Variants in GLI3 observed in about 807,000 individuals in gnomAD.
The protein encoded by GLI3 is transcription activator GLI3.
Under a neutral mutation model 100.8 loss-of-function variants are expected in GLI3, and 20 were observed. That is an observed-to-expected ratio of 0.20 (90% CI 0.14 to 0.29). The LOEUF is 0.29. GLI3 is among the 10% of genes least tolerant of loss of function. The pLI, the probability that GLI3 is intolerant of heterozygous loss-of-function variation, is 1.00. For synonymous variants in GLI3, 938 were observed against 860.5 expected (o/e 1.09, Z -1.58); for missense variants, 2,040 against 2,128.5 (o/e 0.96, Z 0.82).
At chr7:42,137,888 T>G (rs937873162) in intron 3 of GLI3, among the ~76,000 whole-genome samples, 2 of 152,202 alleles carry the variant, frequency 1.3e-5, no homozygotes, top group Admixed American at 6.5e-5. Flanking sequence ...ATAAATGAAT[T>G]GTTTGTGTAG....
At chr7:42,183,700 T>C (rs536917891) in intron 2 of GLI3, among the ~76,000 whole-genome samples, 2 of 152,366 alleles carry the variant, frequency 1.3e-5, no homozygotes, top group Admixed American at 1.3e-4. Flanking sequence ...TTATGTTTTA[T>C]ATTTGCTCAA....
chr7:42,029,552 C>G (rs753798879), intron 7 of GLI3, among the ~76,000 whole-genome samples: 6 of 152,172 alleles, frequency 3.9e-5, no homozygotes, highest in Non-Finnish European at 7.4e-5. Context: ...TGAGCCACCA[C>G]AGCCTCCTCC....
intron 3 of GLI3, among the ~76,000 whole-genome samples, chr7:42,100,068 G>A (rs1312056462): frequency 1.3e-5 from 2 of 152,236 alleles, no homozygotes; most frequent in African/African-American, 2.4e-5. Context: ...AACACAGGCA[G>A]CTTTCTCATA....
At chr7:42,188,360 G>T (rs118081997) in intron 2 of GLI3, among the ~76,000 whole-genome samples, 1 of 152,078 alleles carries the variant, frequency 6.6e-6, no homozygotes, top group Non-Finnish European at 1.5e-5. Context: ...TACACACACC[G>T]CTGGTAAAGG....
chr7:41,999,215 G>A (rs1268732282), intron 10 of GLI3, among the ~76,000 whole-genome samples: 1 of 152,068 alleles, frequency 6.6e-6, no homozygotes, highest in Non-Finnish European at 1.5e-5. Context: ...GATTAACATG[G>A]GGGAAAAATG....
At chr7:42,132,132 G>T (rs528781134) in intron 3 of GLI3, among the ~76,000 whole-genome samples, 1 of 151,156 alleles carries the variant, frequency 6.6e-6, no homozygotes, top group Non-Finnish European at 1.5e-5. Flanking sequence ...ATGGAGGCTC[G>T]CTCTGTCGCC....
intron 2 of GLI3, among the ~76,000 whole-genome samples, chr7:42,175,267 C>G (rs1787456195): frequency 6.6e-6 from 1 of 152,182 alleles, no homozygotes; most frequent in South Asian, 2.1e-4. Flanking sequence ...ATCCCTCGGT[C>G]CAGTTGTATA....
rs373717143 is a variant in GLI3 at position 42,048,442 on chromosome 7, G to A, written c.679+49C>T. ...TTTATACACGTCCCGAGTGAGGAGC[G>A]GGGAGGAGGCTGCATGATCTCCAGA... On this transcript the variant is annotated intron_variant, in intron 5 of 14. Coordinates refer to ENST00000395925, the MANE Select transcript of GLI3 (RefSeq NM_000168.6). 4.2e-5 allele frequency: 50 copies of A among 1,204,512 alleles called. No individual in the cohort carries two copies. In the African/African-American group the frequency reaches 5.1e-4, roughly 12 times the overall value. 74.6% of individuals were successfully genotyped at this position (1,204,512 alleles called of 1,614,324 possible). A position where few individuals can be genotyped will look rare whatever the true frequency, so the allele number is the denominator to read the frequency against.
intron 10 of GLI3, among the ~76,000 whole-genome samples, chr7:42,018,472 G>T (rs72586393): frequency 0.16 from 24,455 of 152,128 alleles, 2,196 homozygotes; most frequent in East Asian, 0.43. Flanking sequence ...AATTATATGG[G>T]AAACATTTAA....
rs537196036 is a variant in GLI3, at chr7:42,087,370, C to T, written c.368-10513G>A. ...GATGCATGCACACCCTGGACCAAAT[C>T]CTAGCACTCTGAAAGGCAGCTTCCA... On this transcript the variant is annotated intron_variant, in intron 3 of 14. Coordinates refer to ENST00000395925, the MANE Select transcript of GLI3 (RefSeq NM_000168.6). Among the ~76,000 whole-genome samples the T allele has an allele frequency of 5.3e-5, 8 of 152,174 alleles. No homozygotes were observed. The South Asian group carries it at 8.3e-4, about 16-fold the overall frequency.
intron 2 of GLI3, among the ~76,000 whole-genome samples, chr7:42,210,819 C>T (rs1019043): frequency 0.35 from 53,286 of 151,706 alleles, 9,613 homozygotes; most frequent in Middle Eastern, 0.49. Flanking sequence ...GCAATAGGTA[C>T]GTGTAGGACC....
At chr7:41,978,830 A>C in intron 10 of GLI3, 82 bp from the exon 11 acceptor site, 2 of 1,235,852 alleles carry the variant, frequency 1.6e-6, no homozygotes, top group Admixed American at 3.6e-5. Flanking sequence ...TGCAGAAAAT[A>C]CCCCAATCTT....
At position 41,965,285 on chromosome 7, in the gene GLI3, A is replaced by G. The variant is rs1787131230; in HGVS notation, c.3788T>C (p.Val1263Ala). The change falls in exon 15 of 15, where the codon GTG becomes GCG. Residue 1263 changes from valine (V) to alanine (A), a missense_variant. Coordinates refer to ENST00000395925, the MANE Select transcript of GLI3 (RefSeq NM_000168.6). ...GGCACCGTCGAGTGCACCAGGGGCC[A>G]CTGGCTGCCTGTTGAGACAGTTCCC... ...QYGNCLNRQP[V>A]APGALDGACG... The G allele has an allele frequency of 1.2e-6, 2 of 1,613,622 alleles. No homozygotes were observed. The highest frequency in any genetic ancestry group is 1.3e-5 in the African/African-American group (1 of 74,940).
chr7:42,139,361 T>A (rs1786509777), intron 3 of GLI3, among the ~76,000 whole-genome samples: 2 of 152,156 alleles, frequency 1.3e-5, no homozygotes, highest in Non-Finnish European at 2.9e-5. Context: ...CAAGTAAAAA[T>A]AAATTGTGTT....
At chr7:42,079,646 C>T (rs920967658) in intron 3 of GLI3, among the ~76,000 whole-genome samples, 1 of 152,170 alleles carries the variant, frequency 6.6e-6, no homozygotes. Flanking sequence ...CTCAGGGCAT[C>T]GCACATGCAC....
chr7:42,239,270 G>A (rs1221042164), upstream of GLI3, among the ~76,000 whole-genome samples: 1 of 152,130 alleles, frequency 6.6e-6, no homozygotes, highest in Admixed American at 6.6e-5. Flanking sequence ...GGCCTGGGAG[G>A]ATTCTCTGAG....
intron 3 of GLI3, among the ~76,000 whole-genome samples, chr7:42,109,040 T>C (rs1466485814): frequency 6.6e-6 from 1 of 152,116 alleles, no homozygotes; most frequent in Admixed American, 6.6e-5. Flanking sequence ...CTGGCCTCCC[T>C]CTAACTTTTG....
chr7:42,034,578 A>G (rs1270256124), intron 7 of GLI3, among the ~76,000 whole-genome samples: 1 of 152,062 alleles, frequency 6.6e-6, no homozygotes, highest in African/African-American at 2.4e-5. Flanking sequence ...TTTAACTGTC[A>G]TCTGCTGACA....
intron 1 of GLI3, among the ~76,000 whole-genome samples, chr7:42,226,170 G>A (rs542266157): frequency 9.2e-5 from 14 of 152,050 alleles, no homozygotes; most frequent in Non-Finnish European, 1.5e-5. Context: ...TGTTCCCTTC[G>A]ACACACACAT....
Sources: allele counts gnomAD v4.1 joint callset (sites outside exome capture counted in the v4.1 genomes callset), GRCh38; gene constraint gnomAD v4.1.1; transcripts MANE v1.5; gene names NCBI Gene and HGNC (gene_info 2026-07-23, HGNC 2026-07-21).